Variants in ANK3 observed in about 807,000 individuals in gnomAD.
The protein encoded by ANK3 is ankyrin 3, also known as ankyrin-3.
In ANK3, 57 loss-of-function variants were observed where a neutral mutation model predicts 370.9. That is an observed-to-expected ratio of 0.15 (90% CI 0.12 to 0.19). The LOEUF (loss-of-function observed/expected upper bound fraction) is 0.19, where lower values mean the gene tolerates loss of function less well. Ranked by LOEUF, ANK3 falls within the 10% of genes least tolerant of loss-of-function variation. The pLI, the probability that ANK3 is intolerant of heterozygous loss-of-function variation, is 1.00. For missense variants in ANK3, 4,439 were observed against 5,302.1 expected (o/e 0.84, Z 5.06); for synonymous variants, 1,929 against 1,946.3 (o/e 0.99, Z 0.23).
intron 2 of ANK3, among the ~76,000 whole-genome samples, chr10:60,444,464 A>G (rs1042958827): frequency 2.1e-4 from 32 of 151,208 alleles, no homozygotes; most frequent in Admixed American, 4.0e-4. Flanking sequence ...ATATATATAT[A>G]AAGACTAATG....
At chr10:60,649,651 A>G (rs1423026428) in intron 1 of ANK3, among the ~76,000 whole-genome samples, 1 of 152,188 alleles carries the variant, frequency 6.6e-6, no homozygotes, top group African/African-American at 2.4e-5. Flanking sequence ...ACTACAATCT[A>G]CTGAGCCCTA....
At chr10:60,209,445 C>T (rs1023117298) in intron 9 of ANK3, among the ~76,000 whole-genome samples, 4 of 152,192 alleles carry the variant, frequency 2.6e-5, no homozygotes, top group African/African-American at 9.6e-5. Context: ...TATCCACTCT[C>T]TGACATATAT....
At chr10:60,467,760 A>G (rs2065042649) in intron 2 of ANK3, among the ~76,000 whole-genome samples, 1 of 152,156 alleles carries the variant, frequency 6.6e-6, no homozygotes, top group African/African-American at 2.4e-5. Context: ...AGAGAAGAAC[A>G]GGTAATAAAA....
chr10:60,064,260 C>T lies in ANK3; in HGVS notation c.12348G>A (p.Val4116=). The change falls in exon 39 of 44, where the codon GTG becomes GTA. Residue 4116 remains valine (V), a synonymous_variant. Transcript: ENST00000280772. The stretch of plus-strand genomic sequence containing the variant: ...CCACACGTATTTGATTGATTTCATC[C>T]ACTGAAAAATTCAGTTCCCTTGCCA... The part of the protein sequence containing the change: ...TELARELNFS[V]DEINQIRVEN... 1 of 1,577,436 alleles carries T rather than the reference C, an allele frequency of 6.3e-7. No individual in the cohort carries two copies. Among genetic ancestry groups the T allele is most frequent in the Non-Finnish European group, 8.6e-7 (1 of 1,169,006 alleles).
intron 28 of ANK3, among the ~76,000 whole-genome samples, chr10:60,103,209 C>G (rs2091607652): frequency 6.6e-6 from 1 of 152,144 alleles, no homozygotes; most frequent in Non-Finnish European, 1.5e-5. Flanking sequence ...CTCGGCCTCC[C>G]AAAGTGCTGG....
At chr10:60,596,596 A>G (rs1218126203) in intron 2 of ANK3, among the ~76,000 whole-genome samples, 1 of 152,168 alleles carries the variant, frequency 6.6e-6, no homozygotes, top group Non-Finnish European at 1.5e-5. Context: ...TGTCCACTGG[A>G]TACTTTAATG....
intron 7 of ANK3, among the ~76,000 whole-genome samples, chr10:60,252,095 G>A (rs1424168866): frequency 6.6e-6 from 1 of 152,176 alleles, no homozygotes; most frequent in Non-Finnish European, 1.5e-5. Context: ...TTGGAAGAGG[G>A]CCAATAAATG....
chr10:60,100,051 C>A (rs7077937), intron 28 of ANK3, among the ~76,000 whole-genome samples: 9 of 152,032 alleles, frequency 5.9e-5, no homozygotes, highest in African/African-American at 2.2e-4. Flanking sequence ...CATTAAAAAC[C>A]TGTCCTTATT....
chr10:60,654,449 T>C (rs965042384), intron 1 of ANK3, among the ~76,000 whole-genome samples: 2 of 152,226 alleles, frequency 1.3e-5, no homozygotes, highest in African/African-American at 4.8e-5. Context: ...GATGTCTTTA[T>C]TGAAGTTGAG....
At chr10:60,133,236 T>C (rs1303803825) in intron 25 of ANK3, among the ~76,000 whole-genome samples, 1 of 152,240 alleles carries the variant, frequency 6.6e-6, no homozygotes, top group Non-Finnish European at 1.5e-5. Context: ...ATTATTTACA[T>C]TGTTTAAATA....
At chr10:60,504,484 T>TC (rs984396208) in intron 2 of ANK3, among the ~76,000 whole-genome samples, 36 of 152,068 alleles carry the variant, frequency 2.4e-4, no homozygotes, top group Non-Finnish European at 1.3e-4. Flanking sequence ...AAGGCTTTTT[T>TC]CCCCCCCAGA....
intron 2 of ANK3, among the ~76,000 whole-genome samples, chr10:60,562,170 T>C (rs142339300): frequency 6.6e-6 from 1 of 152,194 alleles, no homozygotes; most frequent in East Asian, 1.9e-4. Context: ...TCATGGAATA[T>C]ATAACTTAAA....
intron 8 of ANK3, 89 bp downstream of exon 8, chr10:60,234,599 G>T: frequency 1.4e-6 from 1 of 731,342 alleles, no homozygotes. Flanking sequence ...AGAAAACAAA[G>T]CTCATGTTGT....
chr10:60,289,501 T>C (rs2040846355), intron 1 of ANK3, among the ~76,000 whole-genome samples: 1 of 151,864 alleles, frequency 6.6e-6, no homozygotes, highest in African/African-American at 2.4e-5. Flanking sequence ...AGCCTCGATC[T>C]CCCCAGGCTC....
At chr10:60,080,665 G>T (rs1589701556) in intron 35 of ANK3, 47 bp from the exon 36 acceptor site, 1 of 1,385,234 alleles carries the variant, frequency 7.2e-7, no homozygotes, top group South Asian at 1.3e-5. Flanking sequence ...ACTTCCCTGT[G>T]ACATCTTCAG....
chr10:60,205,613 A>G (rs2096750876), intron 11 of ANK3, among the ~76,000 whole-genome samples, 179 bp downstream of exon 11: 1 of 152,188 alleles, frequency 6.6e-6, no homozygotes, highest in African/African-American at 2.4e-5. Flanking sequence ...CTCACCCACC[A>G]ACATGTTTGT....
intron 4 of ANK3, among the ~76,000 whole-genome samples, chr10:60,276,536 G>A (rs756799574): frequency 2.0e-5 from 3 of 152,226 alleles, no homozygotes; most frequent in Non-Finnish European, 4.4e-5. Flanking sequence ...GCTGTGCCAT[G>A]TGTGGCTGGT....
Position 60,055,833 on chromosome 10 carries a change from G to A in ANK3, c.12890C>T (p.Ala4297Val). 1 of 1,614,198 alleles carries A rather than the reference G, an allele frequency of 6.2e-7. No individual in the cohort carries two copies. ...IHGSGHVEEPASPLAAYQKSL... is the reference protein window; with the variant it reads ...IHGSGHVEEPVSPLAAYQKSL... Reference sequence around the variant, plus strand: ...TTTCTGATATGCTGCTAGTGGTGATGCTGGTTCTTCAACATGACCAGATCC... The same window carrying A: ...TTTCTGATATGCTGCTAGTGGTGATACTGGTTCTTCAACATGACCAGATCC... The change falls in exon 42 of 44, where the codon GCA (alanine) becomes GTA (valine). Residue 4297 changes from alanine to valine, a missense_variant. This residue lies in a region of ANK3 where 242 missense variants were observed against 228.0 expected (regional missense o/e 1.06). Coordinates refer to ENST00000280772, the MANE Select transcript of ANK3 (RefSeq NM_020987.5).
At chr10:60,424,476 A>C (rs1196267017) in intron 2 of ANK3, among the ~76,000 whole-genome samples, 1 of 152,052 alleles carries the variant, frequency 6.6e-6, no homozygotes, top group Non-Finnish European at 1.5e-5. Context: ...AATAATCAAG[A>C]AGGGCATACG....
Sources: allele counts gnomAD v4.1 joint callset (sites outside exome capture counted in the v4.1 genomes callset), GRCh38; gene constraint gnomAD v4.1.1; regional missense constraint gnomAD v4.1.1; transcripts MANE v1.5; gene names NCBI Gene and HGNC (gene_info 2026-07-23, HGNC 2026-07-21).